The following THEM5 variants were observed in gnomAD, a reference collection of about 807,000 sequenced individuals.
THEM5 encodes thioesterase superfamily member 5, also known as acyl-coenzyme A thioesterase THEM5.
THEM5 carries 28 observed loss-of-function variants against 24.2 expected under a neutral mutation model. The ratio of observed to expected loss-of-function variants is 1.16; its 90% confidence interval spans 0.86 to 1.59. THEM5 has a LOEUF of 1.59. Among genes scored for constraint, THEM5 ranks in the 40% most tolerant of loss-of-function variants. The pLI, the probability that THEM5 is intolerant of heterozygous loss-of-function variation, is 0.00. For missense variants in THEM5, 260 were observed against 296.8 expected, an observed-to-expected ratio of 0.88 and a Z score of 0.91; for synonymous variants, 87 against 114.5, an observed-to-expected ratio of 0.76 and a Z score of 1.53.
intron 5 of THEM5, 120 bp downstream of exon 5, chr1:151,847,618 C>A: frequency 6.9e-7 from 1 of 1,458,612 alleles, no homozygotes; most frequent in Non-Finnish European, 9.5e-7. Context: ...CCCTATCCCA[C>A]CCCTAAAGAA....
chr1:151,847,394 A>G lies in THEM5; in HGVS notation c.721T>C (p.Leu241=). The change falls in exon 6 of 6, where the codon TTG becomes CTG. Residue 241 remains leucine (L), a synonymous_variant. Transcript: ENST00000368817. ...TGTTACTGGGGAGACTCTTCTTCCA[A>G]CTGCAGCTGAAGGAAAACACCTGCA... is the stretch of plus-strand genomic sequence containing the variant. The part of the protein sequence containing the change: ...KSSGVFLQLQ[L]EEESPQ 1 of 1,613,952 alleles carries G rather than the reference A, an allele frequency of 6.2e-7. No individual in the cohort carries two copies. Among genetic ancestry groups the G allele is most frequent in the Non-Finnish European group, 8.5e-7 (1 of 1,179,966 alleles).
In THEM5 at chr1:151,852,332, T is replaced by A; in HGVS notation, c.251A>T (p.Lys84Met). The change falls in exon 2 of 6, where the codon AAG (lysine) becomes ATG (methionine). Residue 84 changes from lysine to methionine, a missense_variant. Lys to Met is a moderately conservative substitution (Grantham distance 95). Coordinates refer to ENST00000368817, the MANE Select transcript of THEM5 (RefSeq NM_182578.4). ...LEKTKSSGWIKLPSFKSNRDH... is the reference protein window; with the variant it reads ...LEKTKSSGWIMLPSFKSNRDH... Reference sequence around the variant, plus strand: ...TCTGTTGGACTTGAAGGAGGGCAGCTTGATCCAGCCGCTAGACTTAGTCTT... The same window carrying A: ...TCTGTTGGACTTGAAGGAGGGCAGCATGATCCAGCCGCTAGACTTAGTCTT... 1 of 1,614,182 alleles carries A rather than the reference T, an allele frequency of 6.2e-7. No homozygotes were observed. Among genetic ancestry groups the A allele is most frequent in the Non-Finnish European group, 8.5e-7 (1 of 1,180,032 alleles).
chr1:151,848,358 G>A (rs1225092064), intron 3 of THEM5, 66 bp from the exon 4 acceptor site: 1 of 1,246,226 alleles, frequency 8.0e-7, no homozygotes, highest in African/African-American at 1.5e-5. Context: ...CCCTCAATGG[G>A]CCTTCCCTCC....
At chr1:151,849,498 G>A (rs942933607) in intron 3 of THEM5, among the ~76,000 whole-genome samples, 1 of 152,148 alleles carries the variant, frequency 6.6e-6, no homozygotes, top group African/African-American at 2.4e-5. Flanking sequence ...TATCCACCCA[G>A]TTGGACTCCT....
In THEM5 at chr1:151,847,728, G is replaced by T. The variant is rs775898478; in HGVS notation, c.700+10C>A. ...GACGGGGCCTGGGGCTGGGCTGGGG[G>T]CTCCTTTACCTGAGGACTTGGCATA... On this transcript the variant is annotated intron_variant, in intron 5 of 5. Coordinates refer to ENST00000368817, the MANE Select transcript of THEM5 (RefSeq NM_182578.4). The T allele has an allele frequency of 6.8e-6, 11 of 1,612,538 alleles. No individual in the cohort carries two copies. The highest frequency in any genetic ancestry group is 5.0e-5 in the Admixed American group (3 of 59,962).
chr1:151,849,728 C>T (rs1483813406), intron 3 of THEM5, among the ~76,000 whole-genome samples: 1 of 152,224 alleles, frequency 6.6e-6, no homozygotes, highest in Non-Finnish European at 1.5e-5. Flanking sequence ...GAAACCAACT[C>T]TCTCCTCCTT....
Position 151,852,255 on chromosome 1 carries a change from T to C in THEM5, c.325+3A>G. ...GTGTGTGTACTCATGGTCCTGTCCT[T>C]ACCTGAGGAAACTGCCAGTCCAGAT... On this transcript the variant is annotated splice_donor_region_variant and intron_variant, in intron 2 of 5. Transcript: ENST00000368817. 1.9e-6 allele frequency: 3 copies of C among 1,612,960 alleles called. No individual in the cohort carries two copies. Among genetic ancestry groups the C allele is most frequent in the Admixed American group, 3.3e-5 (2 of 60,006 alleles).
rs776521336 is a variant in THEM5 at position 151,853,505 on chromosome 1, C to T, written c.61G>A (p.Ala21Thr). ...RLGHHRGLLE[A>T]PRILPRLNPA... ...TTGAGTCTGGGCAGGATACGGGGGG[C>T]CTCAAGAAGGCCTCTGTGGTGGCCA... Residue 21 changes from alanine (A) to threonine (T), a missense_variant, in exon 1 of 6, where the codon GCC becomes ACC. By Grantham distance (58) the Ala-to-Thr change is moderately conservative. Coordinates refer to ENST00000368817, the MANE Select transcript of THEM5 (RefSeq NM_182578.4). 3 of 1,613,808 alleles carry T rather than the reference C, an allele frequency of 1.9e-6. No individual in the cohort carries two copies. Among genetic ancestry groups the T allele is most frequent in the South Asian group, 2.2e-5 (2 of 91,022 alleles).
Position 151,853,606 on chromosome 1 carries a change from T to G in THEM5, c.-41A>C. 1 of 1,579,290 alleles carries G rather than the reference T, an allele frequency of 6.3e-7. No individual in the cohort carries two copies. Among genetic ancestry groups the G allele is most frequent in the South Asian group, 1.2e-5 (1 of 85,450 alleles). On this transcript the variant is annotated 5_prime_UTR_variant, in exon 1 of 6. Coordinates refer to ENST00000368817, the MANE Select transcript of THEM5 (RefSeq NM_182578.4). The stretch of plus-strand genomic sequence containing the variant: ...TCCAGCCCTGCTTGGATGGAGGGTC[T>G]TGGCTGACTCCCAAGGAGTGCTTTC...
At chr1:151,852,628 C>T (rs922402070) in intron 1 of THEM5, among the ~76,000 whole-genome samples, 169 bp from the exon 2 acceptor site, 2 of 152,020 alleles carry the variant, frequency 1.3e-5, no homozygotes, top group African/African-American at 4.8e-5. Flanking sequence ...GCTGCGGACC[C>T]CTATGGGTGA....
At chr1:151,852,505 G>A (rs760521634) in intron 1 of THEM5, 46 bp from the exon 2 acceptor site, 15 of 1,597,352 alleles carry the variant, frequency 9.4e-6, no homozygotes, top group Non-Finnish European at 1.1e-5. Context: ...CTGGAGGGGG[G>A]CTGCTGCCTG....
chr1:151,850,059 G>A (rs1368787629), intron 3 of THEM5, among the ~76,000 whole-genome samples: 1 of 152,244 alleles, frequency 6.6e-6, no homozygotes, highest in Non-Finnish European at 1.5e-5. Context: ...CAGTGTCCCT[G>A]TGGAGGACTC....
In THEM5 at chr1:151,851,841, G is replaced by A. The variant is rs115824614; in HGVS notation, c.325+417C>T. Among the ~76,000 whole-genome samples the A allele has an allele frequency of 2.6e-3, 393 of 152,314 alleles. 1 individual carries two copies. The highest frequency in any genetic ancestry group is 8.9e-3 in the African/African-American group (369 of 41,570). Reference sequence around the variant, plus strand: ...ATTAGGATCATTAGGTGTTTCAGGAGTGCTGCTCCAGACCCCGCACAGCAG... The same window carrying A: ...ATTAGGATCATTAGGTGTTTCAGGAATGCTGCTCCAGACCCCGCACAGCAG... On this transcript the variant is annotated intron_variant, in intron 2 of 5. Transcript: ENST00000368817.
At chr1:151,852,116 C>G in intron 2 of THEM5, 142 bp downstream of exon 2, 1 of 793,754 alleles carries the variant, frequency 1.3e-6, no homozygotes, top group Non-Finnish European at 2.1e-6. Flanking sequence ...CCGCCTGTTG[C>G]CTGGGGCTGC....
intron 3 of THEM5, among the ~76,000 whole-genome samples, chr1:151,848,648 G>T (rs1653020110): frequency 6.6e-6 from 1 of 152,238 alleles, no homozygotes; most frequent in African/African-American, 2.4e-5. Flanking sequence ...AATTTGGAAG[G>T]ATGGGCATAT....
At chr1:151,851,737 G>C (rs943905797) in intron 2 of THEM5, among the ~76,000 whole-genome samples, 14 of 152,126 alleles carry the variant, frequency 9.2e-5, no homozygotes, top group Non-Finnish European at 2.9e-5. Flanking sequence ...ATGAGTGAGA[G>C]AGACAGGGAG....
rs1438035849 is a variant in THEM5, at chr1:151,847,745, C to A, written c.693G>T (p.Lys231Asn). ...GGCTGGGGGCTCCTTTACCTGAGGA[C>A]TTGGCATAAACTGTCTGCTGGTCTC... The part of the protein sequence containing the change: ...HSRDQQTVYA[K>N]SSGVFLQLQL... The change falls in exon 5 of 6, where the codon AAG (lysine) becomes AAT (asparagine). Residue 231 changes from lysine to asparagine, a missense_variant. Lys to Asn is a moderately conservative substitution (Grantham distance 94). Coordinates refer to ENST00000368817, the MANE Select transcript of THEM5 (RefSeq NM_182578.4). The A allele has an allele frequency of 1.2e-6, 2 of 1,613,210 alleles. No individual in the cohort carries two copies. Among genetic ancestry groups the A allele is most frequent in the African/African-American group, 2.7e-5 (2 of 74,754 alleles).
rs1653107104 is a variant in THEM5 at position 151,851,146 on chromosome 1, C to G, written c.371G>C (p.Gly124Ala). The G allele has an allele frequency of 6.2e-7, 1 of 1,614,082 alleles. No individual in the cohort carries two copies. Among genetic ancestry groups the G allele is most frequent in the African/African-American group, 1.3e-5 (1 of 74,930 alleles). ...RIFTRCIQVE[G>A]QGFEYVIFFQ... Reference sequence around the variant, plus strand: ...AAAGATGACATACTCAAAGCCTTGTCCTTCCACTTGGATGCACCTGGTGAA... The same window carrying G: ...AAAGATGACATACTCAAAGCCTTGTGCTTCCACTTGGATGCACCTGGTGAA... The change falls in exon 3 of 6, where the codon GGA (glycine) becomes GCA (alanine). Residue 124 changes from glycine to alanine, a missense_variant. Physicochemically the swap from Gly to Ala is moderately conservative, Grantham distance 60. Transcript: ENST00000368817.
At chr1:151,852,126 C>T in intron 2 of THEM5, 132 bp downstream of exon 2, 5 of 853,490 alleles carry the variant, frequency 5.9e-6, no homozygotes, top group Non-Finnish European at 9.5e-6. Context: ...CCTGGGGCTG[C>T]AGCATCAGGG....
Sources: allele counts gnomAD v4.1 joint callset (sites outside exome capture counted in the v4.1 genomes callset), GRCh38; gene constraint gnomAD v4.1.1; transcripts MANE v1.5; gene names NCBI Gene and HGNC (gene_info 2026-07-23, HGNC 2026-07-21).